XPO5: variants seen among roughly 807,000 people sequenced by gnomAD.
The protein encoded by XPO5 is exportin 5.
XPO5 carries 46 observed loss-of-function variants against 160.6 expected under a neutral mutation model. The observed-to-expected ratio is 0.29, with a 90% CI of 0.23 to 0.37. The LOEUF (loss-of-function observed/expected upper bound fraction) is 0.37. Ranked by LOEUF, XPO5 falls within the 10% of genes least tolerant of loss-of-function variation. The pLI is 1.00. For synonymous variants in XPO5, 537 were observed against 519.3 expected, an observed-to-expected ratio of 1.03 and a Z score of -0.46; for missense variants, 1,090 against 1,463.9, an observed-to-expected ratio of 0.74 and a Z score of 4.17.
intron 6 of XPO5, among the ~76,000 whole-genome samples, chr6:43,568,075 G>A (rs191933244): frequency 1.0e-3 from 152 of 151,990 alleles, no homozygotes; most frequent in African/African-American, 3.4e-3. Flanking sequence ...TTGGGAAGCT[G>A]AGGAGGGCGG....
intron 23 of XPO5, chr6:43,529,260 T>C (rs754621438): frequency 2.3e-5 from 32 of 1,369,362 alleles, no homozygotes; most frequent in African/African-American, 5.9e-5. Context: ...TAAGAAAGAT[T>C]TGCTGGCTGC....
intron 14 of XPO5, among the ~76,000 whole-genome samples, chr6:43,553,001 A>G (rs1312638225): frequency 6.6e-6 from 1 of 151,986 alleles, no homozygotes; most frequent in African/African-American, 2.4e-5. Context: ...ATGTACATCC[A>G]TAGATTTTCC....
intron 20 of XPO5, among the ~76,000 whole-genome samples, chr6:43,545,719 CAAACA>C (rs2127726412): frequency 7.2e-6 from 1 of 139,582 alleles, no homozygotes; most frequent in South Asian, 2.2e-4. Context: ...AAAAAACAAA[CAAACA>C]AAAAAAAAAC....
Position 43,523,688 on chromosome 6 carries a change from TTA to T in XPO5, c.*178_*179del, listed in dbSNP as rs768534635. On this transcript the variant is annotated 3_prime_UTR_variant, in exon 32 of 32. Coordinates refer to ENST00000265351, the MANE Select transcript of XPO5 (RefSeq NM_020750.3). ...AGCCCTAACTCCCTTTCTTGATACTTTAGTATAATTACTTCTGGTCCTGCACA... is the reference window on the plus strand; with the variant it reads ...AGCCCTAACTCCCTTTCTTGATACTTGTATAATTACTTCTGGTCCTGCACA... 1 of 943,704 alleles carries T rather than the reference TTA, an allele frequency of 1.1e-6. No individual in the cohort carries two copies. Among genetic ancestry groups the T allele is most frequent in the African/African-American group, 1.6e-5 (1 of 62,214 alleles). The allele number at this position is 943,704 out of a possible 1,614,324, so 58.5% of individuals were successfully genotyped here.
intron 13 of XPO5, chr6:43,555,601 G>C (rs1762037352): frequency 3.0e-6 from 1 of 333,894 alleles, no homozygotes; most frequent in Non-Finnish European, 5.3e-6. Flanking sequence ...AATGGAAAAT[G>C]ATGGCAAAAC....
At chr6:43,537,531 G>GT (rs1477899417) in intron 20 of XPO5, among the ~76,000 whole-genome samples, 1 of 152,184 alleles carries the variant, frequency 6.6e-6, no homozygotes, top group Non-Finnish European at 1.5e-5. Flanking sequence ...GCCATAAACA[G>GT]TAGGTAAATG....
Position 43,523,897 on chromosome 6 carries a change from C to A in XPO5, c.3586G>T (p.Gly1196Cys), listed in dbSNP as rs1793363298. 6.2e-7 allele frequency: 1 copy of A among 1,613,990 alleles called. No homozygotes were observed. Among genetic ancestry groups the A allele is most frequent in the Non-Finnish European group, 8.5e-7 (1 of 1,179,888 alleles). The change falls in exon 32 of 32, where the codon GGT (glycine) becomes TGT (cysteine). Residue 1196 changes from glycine (G) to cysteine (C), a missense_variant. Gly to Cys is a radical substitution (Grantham distance 159). Around this residue, in one of 3 missense-constraint regions of XPO5, gnomAD observed 810 missense variants for 1,139.0 expected, o/e 0.71. Coordinates refer to ENST00000265351, the MANE Select transcript of XPO5 (RefSeq NM_020750.3). ...LETEVLDNDG[G>C]GLATIFEP ...GGTTCAAAGATGGTGGCCAGGCCAC[C>A]CCCATCATTGTCCAGCACCTCCGTC...
intron 21 of XPO5, 44 bp downstream of exon 21, chr6:43,533,863 A>G: frequency 7.0e-7 from 1 of 1,436,572 alleles, no homozygotes. Flanking sequence ...GACATCCATT[A>G]GGGATAAGAT....
intron 14 of XPO5, among the ~76,000 whole-genome samples, chr6:43,552,240 T>C (rs933061114): frequency 1.3e-5 from 2 of 152,148 alleles, no homozygotes; most frequent in African/African-American, 4.8e-5. Flanking sequence ...GTATTTTTAG[T>C]AGAGACAGGG....
chr6:43,541,994 G>T (rs186033302), intron 20 of XPO5, among the ~76,000 whole-genome samples: 244 of 152,108 alleles, frequency 1.6e-3, no homozygotes, highest in African/African-American at 5.5e-3. Flanking sequence ...TGGCCACACT[G>T]GTCTTGAACT....
At chr6:43,530,210 T>C (rs1170379179) in intron 23 of XPO5, among the ~76,000 whole-genome samples, 1 of 152,098 alleles carries the variant, frequency 6.6e-6, no homozygotes, top group East Asian at 1.9e-4. Flanking sequence ...TAAGACAAGA[T>C]CATGCCACTG....
At chr6:43,556,084 T>C in intron 12 of XPO5, 120 bp from the exon 13 acceptor site, 1 of 1,353,944 alleles carries the variant, frequency 7.4e-7, no homozygotes, top group Non-Finnish European at 1.0e-6. Flanking sequence ...TTTTGCAGAC[T>C]TGTGCTTTGC....
rs45574641 is a variant in XPO5, at chr6:43,573,453, C to T, written c.227+27G>A. On this transcript the variant is annotated intron_variant, in intron 2 of 31. Coordinates refer to ENST00000265351, the MANE Select transcript of XPO5 (RefSeq NM_020750.3). ...TATAAAGATCTGTTCTCTCAGACTTCAGTGGTAATGTCCAAGAGCTCCTTA... is the reference window on the plus strand; with the variant it reads ...TATAAAGATCTGTTCTCTCAGACTTTAGTGGTAATGTCCAAGAGCTCCTTA... The T allele has an allele frequency of 4.7e-4, 759 of 1,611,424 alleles. 1 individual carries two copies. The highest frequency in any genetic ancestry group is 6.2e-4 in the Non-Finnish European group (729 of 1,178,284).
At chr6:43,537,258 C>G (rs936752273) in intron 20 of XPO5, among the ~76,000 whole-genome samples, 1 of 152,042 alleles carries the variant, frequency 6.6e-6, no homozygotes, top group African/African-American at 2.4e-5. Flanking sequence ...AGGCATGAGC[C>G]ACTATTCCCA....
intron 27 of XPO5, chr6:43,526,410 G>T (rs1372215519): frequency 4.1e-6 from 2 of 490,348 alleles, no homozygotes; most frequent in Non-Finnish European, 7.4e-6. Flanking sequence ...GTTGGTCATG[G>T]ACGATCTCTG....
At chr6:43,568,598 G>C in intron 6 of XPO5, 113 bp downstream of exon 6, 4 of 964,208 alleles carry the variant, frequency 4.1e-6, no homozygotes, top group Non-Finnish European at 5.9e-6. Flanking sequence ...AGTAAGACCT[G>C]TCTCCAAAAC....
At chr6:43,527,092 G>A (rs1793645022) in intron 26 of XPO5, 2 of 252,386 alleles carry the variant, frequency 7.9e-6, no homozygotes, top group Admixed American at 4.8e-5. Flanking sequence ...CCATGTCCAA[G>A]AATTTAAAAC....
chr6:43,534,275 T>C (rs1313299378), intron 20 of XPO5, among the ~76,000 whole-genome samples: 3 of 152,200 alleles, frequency 2.0e-5, no homozygotes, highest in Admixed American at 6.5e-5. Flanking sequence ...AGTCCAAAGC[T>C]AGAAAGCAAA....
At chr6:43,529,259 T>C (rs1313485028) in intron 23 of XPO5, 1 of 1,370,204 alleles carries the variant, frequency 7.3e-7, no homozygotes, top group South Asian at 1.1e-5. Flanking sequence ...GTAAGAAAGA[T>C]TTGCTGGCTG....
Sources: gnomAD v4.1 joint callset for allele counts (sites outside exome capture counted in the v4.1 genomes callset) on GRCh38, gnomAD v4.1.1 for gene constraint, gnomAD v4.1.1 regional missense constraint, MANE v1.5 for transcripts, NCBI Gene and HGNC (gene_info 2026-07-23, HGNC 2026-07-21) for gene names.